Variants in IKZF1 observed in about 807,000 individuals in gnomAD.
IKZF1 encodes the protein DNA-binding protein Ikaros.
A neutral mutation model predicts 51.7 loss-of-function variants in IKZF1; 10 were observed. That is an observed-to-expected ratio of 0.19 (90% CI 0.12 to 0.33). IKZF1 has a LOEUF of 0.33. IKZF1 is among the 10% of genes least tolerant of loss of function. The pLI, the probability that IKZF1 is intolerant of heterozygous loss-of-function variation, is 1.00. For synonymous variants in IKZF1, 280 were observed against 282.3 expected (o/e 0.99, Z 0.08); for missense variants, 484 against 707.5 (o/e 0.68, Z 3.58).
intron 3 of IKZF1, among the ~76,000 whole-genome samples, chr7:50,349,411 G>A (rs1801244405): frequency 6.6e-6 from 1 of 152,194 alleles, no homozygotes; most frequent in African/African-American, 2.4e-5. Context: ...AGAAGCGCAT[G>A]GAATTTTTAG....
chr7:50,306,364 A>G (rs1199942402), intron 1 of IKZF1, among the ~76,000 whole-genome samples: 1 of 152,214 alleles, frequency 6.6e-6, no homozygotes, highest in Non-Finnish European at 1.5e-5. Flanking sequence ...AGAACATTTT[A>G]TTGAACTAAA....
chr7:50,401,592 G>A lies in IKZF1; in HGVS notation c.*965G>A. The A allele has an allele frequency of 9.0e-6, 2 of 221,218 alleles. No homozygotes were observed. Among genetic ancestry groups the A allele is most frequent in the Non-Finnish European group, 9.1e-6 (1 of 110,434 alleles). 13.7% of individuals were successfully genotyped at this position (221,218 alleles called of 1,614,324 possible). ...TTATTTCAAATCTCTTCCTTCCCTG[G>A]CTGGTTCCATCTAGTACCAGAGGCC... On this transcript the variant is annotated 3_prime_UTR_variant, in exon 8 of 8. Transcript: ENST00000331340.
intron 5 of IKZF1, among the ~76,000 whole-genome samples, chr7:50,384,243 C>T (rs930872168): frequency 6.6e-6 from 1 of 152,218 alleles, no homozygotes; most frequent in Non-Finnish European, 1.5e-5. Context: ...GGTCTCACTC[C>T]TGGCAGGTGG....
intron 3 of IKZF1, chr7:50,368,414 C>T (rs1807650391): frequency 1.6e-6 from 1 of 639,734 alleles, no homozygotes; most frequent in Non-Finnish European, 2.8e-6. Context: ...TATTTTCTGT[C>T]ACCAACAAAG....
In IKZF1 at chr7:50,349,555, G is replaced by A. The variant is rs144220483; in HGVS notation, c.160+21798G>A. Among the ~76,000 whole-genome samples, 391 of 152,242 alleles carry A rather than the reference G, an allele frequency of 2.6e-3. 3 individuals carry two copies. Among genetic ancestry groups the A allele is most frequent in the African/African-American group, 8.7e-3 (362 of 41,528 alleles). On this transcript the variant is annotated intron_variant, in intron 3 of 7. Coordinates refer to ENST00000331340, the MANE Select transcript of IKZF1 (RefSeq NM_006060.6). The stretch of plus-strand genomic sequence containing the variant: ...GTTTAGCCATGGAAGCCTCACCGCC[G>A]GCTTTGGTTTATCGTGGGCCAAGGG...
At chr7:50,384,430 T>TC (rs1812779253) in intron 5 of IKZF1, among the ~76,000 whole-genome samples, 1 of 152,188 alleles carries the variant, frequency 6.6e-6, no homozygotes, top group South Asian at 2.1e-4. Flanking sequence ...CCTAAAAACT[T>TC]CCAAGAAAGG....
chr7:50,303,691 T>C (rs1228674654), upstream of IKZF1, among the ~76,000 whole-genome samples: 2 of 152,040 alleles, frequency 1.3e-5, no homozygotes, highest in African/African-American at 2.4e-5. This position sits in a 1 kb window ranked among gnomAD's most constrained non-coding sequence, Gnocchi z 4.7. Context: ...GACGTGAAGC[T>C]GAGCGTACAG....
At chr7:50,369,809 T>G in intron 3 of IKZF1, 1 of 377,594 alleles carries the variant, frequency 2.6e-6, no homozygotes. Flanking sequence ...TGCCTTTCTT[T>G]TCTCTCCCTG....
At chr7:50,377,994 G>A (rs376130158) in intron 4 of IKZF1, among the ~76,000 whole-genome samples, 3 of 152,194 alleles carry the variant, frequency 2.0e-5, no homozygotes, top group African/African-American at 2.4e-5. Flanking sequence ...AAATGATGAC[G>A]ATGACTTGAA....
At chr7:50,319,223 C>A (rs552343869) in intron 2 of IKZF1, 122 bp downstream of exon 2, 229 of 693,854 alleles carry the variant, frequency 3.3e-4, no homozygotes, top group South Asian at 6.1e-4. Flanking sequence ...AAGAAAAGAC[C>A]ATGATGGAAT....
intron 3 of IKZF1, among the ~76,000 whole-genome samples, chr7:50,370,955 T>TG (rs1271663615): frequency 1.4e-4 from 21 of 151,344 alleles, no homozygotes; most frequent in Admixed American, 3.9e-4. Context: ...GAGGAAGGAG[T>TG]GAGCGATTTA....
At chr7:50,346,292 C>G (rs1800342424) in intron 3 of IKZF1, among the ~76,000 whole-genome samples, 1 of 152,182 alleles carries the variant, frequency 6.6e-6, no homozygotes. Flanking sequence ...AGGTGATCAC[C>G]TCGCCTATTG....
At chr7:50,325,234 G>T in intron 2 of IKZF1, among the ~76,000 whole-genome samples, 1 of 145,352 alleles carries the variant, frequency 6.9e-6, no homozygotes, top group African/African-American at 2.6e-5. Flanking sequence ...AGATTATTTT[G>T]TTATTCTTAC....
At chr7:50,341,232 CTCTTGGGT>C (rs1798995641) in intron 3 of IKZF1, among the ~76,000 whole-genome samples, 1 of 151,728 alleles carries the variant, frequency 6.6e-6, no homozygotes, top group Admixed American at 6.6e-5. Flanking sequence ...CAGCCTCCAC[CTCTTGGGT>C]TCAAGTGATT....
intron 3 of IKZF1, among the ~76,000 whole-genome samples, chr7:50,375,980 T>C (rs1005735380): frequency 2.0e-5 from 3 of 152,194 alleles, no homozygotes; most frequent in Non-Finnish European, 4.4e-5. Flanking sequence ...ATTTTTATGT[T>C]TACTGAGTTT....
intron 6 of IKZF1, among the ~76,000 whole-genome samples, chr7:50,390,226 G>A (rs948147846): frequency 3.3e-5 from 5 of 152,154 alleles, no homozygotes; most frequent in East Asian, 1.9e-4. Context: ...GAGGCCCTGC[G>A]CCATGGTGCA....
intron 4 of IKZF1, among the ~76,000 whole-genome samples, chr7:50,378,969 T>C (rs111887584): frequency 1.3e-4 from 20 of 152,394 alleles, no homozygotes; most frequent in Middle Eastern, 3.4e-3. Context: ...GTTTTCATTT[T>C]CCTGGGATCT....
intron 3 of IKZF1, among the ~76,000 whole-genome samples, chr7:50,338,324 A>C (rs1040730303): frequency 6.6e-5 from 10 of 152,338 alleles, no homozygotes; most frequent in Middle Eastern, 3.4e-3. Context: ...GAAAATAAAG[A>C]GATCCTTAGA....
chr7:50,399,964 C>G lies in IKZF1; in HGVS notation c.897C>G (p.Tyr299Ter). Residue 299 changes from tyrosine to a stop codon, truncating the protein, a stop_gained, in exon 8 of 8, where the codon TAC becomes TAG. Transcript: ENST00000331340. LOFTEE classifies it high-confidence loss of function. ...SDTPYDSSASYEKENEMMKSH... is the reference protein window; with the variant it reads ...SDTPYDSSAS Reference sequence around the variant, plus strand: ...CGCCCTACGACAGCAGCGCCAGCTACGAGAAGGAGAACGAAATGATGAAGT... The same window carrying G: ...CGCCCTACGACAGCAGCGCCAGCTAGGAGAAGGAGAACGAAATGATGAAGT... 1 of 1,613,536 alleles carries G rather than the reference C, an allele frequency of 6.2e-7. No individual in the cohort carries two copies. Among genetic ancestry groups the G allele is most frequent in the Non-Finnish European group, 8.5e-7 (1 of 1,179,804 alleles).
Sources: gnomAD v4.1 joint callset for allele counts (sites outside exome capture counted in the v4.1 genomes callset) on GRCh38, gnomAD v4.1.1 for gene constraint, Gnocchi (gnomAD v3.1) non-coding constraint, MANE v1.5 for transcripts, NCBI Gene and HGNC (gene_info 2026-07-23, HGNC 2026-07-21) for gene names.